Variants in CCDC63 observed in about 807,000 individuals in gnomAD.
CCDC63 encodes the protein coiled-coil domain-containing protein 63.
CCDC63 carries 54 observed loss-of-function variants against 63.6 expected under a neutral mutation model. That is an observed-to-expected ratio of 0.85 (90% CI 0.68 to 1.07). The LOEUF (loss-of-function observed/expected upper bound fraction) is 1.07, where lower values mean the gene tolerates loss of function less well. Among genes scored for constraint, CCDC63 ranks in the 50% least tolerant of loss-of-function variants. The pLI, the probability that CCDC63 is intolerant of heterozygous loss-of-function variation, is 0.00. For missense variants in CCDC63, 637 were observed against 689.6 expected, an observed-to-expected ratio of 0.92 and a Z score of 0.86; for synonymous variants, 253 against 266.1, an observed-to-expected ratio of 0.95 and a Z score of 0.48.
rs192079866 is a variant in CCDC63, at chr12:110,866,398, G to A, written c.370-7444G>A. On this transcript the variant is annotated intron_variant, in intron 4 of 11. Coordinates refer to ENST00000308208, the MANE Select transcript of CCDC63 (RefSeq NM_152591.3). ...TTTGGCAGGGTCATGGGACCATAGT[G>A]GAGGGAAGGTCAGCAGATAAACAAG... Among the ~76,000 whole-genome samples, 204 of 149,292 alleles carry A rather than the reference G, an allele frequency of 1.4e-3. 1 individual carries two copies. The highest frequency in any genetic ancestry group is 4.9e-3 in the African/African-American group (196 of 40,206).
intron 8 of CCDC63, among the ~76,000 whole-genome samples, chr12:110,885,412 T>C (rs925783853): frequency 5.9e-5 from 9 of 152,202 alleles, no homozygotes; most frequent in Non-Finnish European, 8.8e-5. Context: ...CTGGGCTATT[T>C]ACACACCAGT....
At chr12:110,885,668 A>T (rs975302042) in intron 8 of CCDC63, among the ~76,000 whole-genome samples, 5 of 151,932 alleles carry the variant, frequency 3.3e-5, no homozygotes, top group African/African-American at 1.2e-4. Flanking sequence ...CCTGCTCATT[A>T]GTCCTGACCC....
chr12:110,897,372 C>T (rs1037580781), intron 9 of CCDC63, among the ~76,000 whole-genome samples: 1 of 151,780 alleles, frequency 6.6e-6, no homozygotes, highest in African/African-American at 2.4e-5. Flanking sequence ...AGGATTTCTT[C>T]AGCTCAGGAG....
intron 10 of CCDC63, among the ~76,000 whole-genome samples, 199 bp from the exon 11 acceptor site, chr12:110,904,389 T>G (rs185150115): frequency 2.6e-5 from 4 of 151,588 alleles, no homozygotes; most frequent in African/African-American, 7.3e-5. Context: ...AATTTCAGCC[T>G]CTAAGGGTGA....
rs550112606 is a variant in CCDC63 at position 110,861,634 on chromosome 12, C to G, written c.369+2859C>G. Among the ~76,000 whole-genome samples, 5 of 151,926 alleles carry G rather than the reference C, an allele frequency of 3.3e-5. No homozygotes were observed. In the East Asian group the frequency reaches 9.7e-4, roughly 29 times the overall value. On this transcript the variant is annotated intron_variant, in intron 4 of 11. Transcript: ENST00000308208. The stretch of plus-strand genomic sequence containing the variant: ...TCACCCAGGCTGGAGTGCAGTGGTG[C>G]GATCTCGGCTCACTGCAACCTCCAC...
chr12:110,897,801 C>T (rs1362701403), intron 9 of CCDC63, among the ~76,000 whole-genome samples: 9 of 147,024 alleles, frequency 6.1e-5, no homozygotes, highest in Non-Finnish European at 1.2e-4. Flanking sequence ...GGCATGATCT[C>T]GGGCTCACTG....
chr12:110,864,007 T>C (rs117500878), intron 4 of CCDC63, among the ~76,000 whole-genome samples: 3 of 152,358 alleles, frequency 2.0e-5, no homozygotes, highest in East Asian at 1.9e-4. Flanking sequence ...TTCAAAGACA[T>C]GAAGATGAGA....
chr12:110,881,054 G>A, intron 6 of CCDC63, 61 bp from the exon 7 acceptor site: 1 of 1,466,496 alleles, frequency 6.8e-7, no homozygotes, highest in Non-Finnish European at 9.1e-7. Flanking sequence ...TGGACTGGCA[G>A]GGAAAGGGAA....
intron 11 of CCDC63, 134 bp downstream of exon 11, chr12:110,904,925 G>A: frequency 1.6e-6 from 1 of 607,244 alleles, no homozygotes; most frequent in Non-Finnish European, 2.7e-6. Flanking sequence ...AGCTCTTGTG[G>A]CCTGCCAGTT....
At chr12:110,876,241 C>T (rs555822769) in intron 5 of CCDC63, among the ~76,000 whole-genome samples, 1 of 140,080 alleles carries the variant, frequency 7.1e-6, no homozygotes, top group Non-Finnish European at 1.5e-5. Flanking sequence ...GTCTTTCCCC[C>T]CCACAATCAG....
chr12:110,875,424 T>C (rs1447186163), intron 5 of CCDC63, among the ~76,000 whole-genome samples: 1 of 152,130 alleles, frequency 6.6e-6, no homozygotes. Flanking sequence ...CATGATTTAA[T>C]GATGACTTGT....
At chr12:110,850,929 TC>T (rs1323908179) in intron 1 of CCDC63, among the ~76,000 whole-genome samples, 4 of 152,122 alleles carry the variant, frequency 2.6e-5, no homozygotes, top group African/African-American at 9.7e-5. Context: ...GCCCCCAACC[TC>T]CAACTTTTCT....
At chr12:110,905,803 C>T (rs961402868) in intron 11 of CCDC63, among the ~76,000 whole-genome samples, 3 of 135,330 alleles carry the variant, frequency 2.2e-5, no homozygotes, top group Non-Finnish European at 4.6e-5. Context: ...ATGCAATACA[C>T]AGGCACACAC....
intron 8 of CCDC63, among the ~76,000 whole-genome samples, chr12:110,888,055 G>A (rs1329964131): frequency 6.6e-6 from 1 of 152,198 alleles, no homozygotes; most frequent in African/African-American, 2.4e-5. Context: ...ATTCCCGCGG[G>A]AATCCGAGTT....
rs566778293 is a variant in CCDC63 at position 110,877,809 on chromosome 12, G to A, written c.490-2097G>A. 1.7e-4 allele frequency among the ~76,000 whole-genome samples: 26 copies of A among 150,870 alleles called. No individual in the cohort carries two copies. In the East Asian group the frequency reaches 4.1e-3, roughly 24 times the overall value. On this transcript the variant is annotated intron_variant, in intron 5 of 11. Coordinates refer to ENST00000308208, the MANE Select transcript of CCDC63 (RefSeq NM_152591.3). ...CAACCTCTGCCTCCCAGGTTCAAGC[G>A]ATTCTCCTGACTCAGCCTACCAAGT...
chr12:110,872,398 C>T (rs1256183587), intron 4 of CCDC63, among the ~76,000 whole-genome samples: 2 of 152,202 alleles, frequency 1.3e-5, no homozygotes, highest in African/African-American at 4.8e-5. Flanking sequence ...CCAAGCATTA[C>T]ACATACTGCA....
rs1175021372 is a variant in CCDC63, at chr12:110,907,527, T to C, written c.*51T>C. ...AACATAACCGAAAGAATAAATGTTT[T>C]GTTCTGTAGCCTCGTGCCTGTCACA... On this transcript the variant is annotated 3_prime_UTR_variant, in exon 12 of 12. Transcript: ENST00000308208. The surrounding 1 kb of genome is among the most constrained non-coding windows in gnomAD (Gnocchi z 4.4). The C allele has an allele frequency of 6.2e-7, 1 of 1,608,014 alleles. No individual in the cohort carries two copies.
chr12:110,888,451 C>T (rs986272618), intron 8 of CCDC63, among the ~76,000 whole-genome samples: 5 of 152,142 alleles, frequency 3.3e-5, no homozygotes, highest in Non-Finnish European at 7.3e-5. Flanking sequence ...TAAGCGCTGC[C>T]CTCTCTGGGC....
At chr12:110,905,870 A>ATG (rs1273825210) in intron 11 of CCDC63, among the ~76,000 whole-genome samples, 4 of 104,314 alleles carry the variant, frequency 3.8e-5, no homozygotes, top group Non-Finnish European at 7.3e-5. Context: ...ATGTGTATAT[A>ATG]TGTGTGTGTG....
Sources: gnomAD v4.1 joint callset for allele counts (sites outside exome capture counted in the v4.1 genomes callset) on GRCh38, gnomAD v4.1.1 for gene constraint, Gnocchi (gnomAD v3.1) non-coding constraint, MANE v1.5 for transcripts, NCBI Gene and HGNC (gene_info 2026-07-23, HGNC 2026-07-21) for gene names.